PANK1: variants seen among roughly 807,000 people sequenced by gnomAD.
PANK1 encodes pantothenate kinase 1.
A neutral mutation model predicts 40.1 loss-of-function variants in PANK1; 18 were observed. The ratio of observed to expected loss-of-function variants is 0.45; its 90% CI spans 0.31 to 0.67. The LOEUF is 0.67. PANK1 is among the 30% of genes least tolerant of loss of function. The pLI is 0.06. For synonymous variants in PANK1, 242 were observed against 237.7 expected, an observed-to-expected ratio of 1.02 and a Z score of -0.17; for missense variants, 457 against 599.6, an observed-to-expected ratio of 0.76 and a Z score of 2.48.
intron 3 of PANK1, among the ~76,000 whole-genome samples, chr10:89,594,609 A>T (rs1342135702): frequency 2.0e-5 from 3 of 152,148 alleles, no homozygotes; most frequent in African/African-American, 7.2e-5. Context: ...CTGATACTGA[A>T]TTTTTTCCTA....
intron 1 of PANK1, among the ~76,000 whole-genome samples, chr10:89,639,607 G>A (rs549326482): frequency 5.1e-4 from 77 of 152,272 alleles, no homozygotes; most frequent in Middle Eastern, 3.4e-3. Flanking sequence ...TAGTAAGTAG[G>A]AAATGCGGAC....
In PANK1 at chr10:89,599,543, A is replaced by C. The variant is rs140811466; in HGVS notation, c.646-38T>G. ...ACACAACAAAATAAAACCTTGTGAG[A>C]TAGGCGACCATCTAAGGGGAAGCCC... On this transcript the variant is annotated intron_variant, in intron 2 of 6. Transcript: ENST00000307534. 5.2e-5 allele frequency: 83 copies of C among 1,586,622 alleles called. No individual in the cohort carries two copies. The African/African-American group carries it at 9.8e-4, about 19-fold the overall frequency.
rs1346955282 is a variant in PANK1 at position 89,615,197 on chromosome 10, C to T, written c.293-3149G>A. Among the ~76,000 whole-genome samples the T allele has an allele frequency of 8.5e-5, 13 of 152,176 alleles. No individual in the cohort carries two copies. The South Asian group carries it at 2.7e-3, about 32-fold the overall frequency. On this transcript the variant is annotated intron_variant, in intron 1 of 6. Transcript: ENST00000307534. ...TAATAATGGAAAATAGGAGATACTT[C>T]CGCACAACAAGACCCAAACAAGCTA...
chr10:89,590,915 AG>A (rs1255954712), intron 5 of PANK1, among the ~76,000 whole-genome samples: 1 of 152,168 alleles, frequency 6.6e-6, no homozygotes, highest in Admixed American at 6.5e-5. Context: ...AGAGAGGACC[AG>A]AGGGAGGAGG....
chr10:89,595,826 AAAAAAAAATATATAT>A (rs1318738462), intron 3 of PANK1, among the ~76,000 whole-genome samples: 25 of 77,028 alleles, frequency 3.2e-4, no homozygotes, highest in South Asian at 5.5e-4. Flanking sequence ...TAAAAAAAAA[AAAAAAAAATATATAT>A]ATATATATAT....
At chr10:89,624,284 C>T (rs750349023) in intron 1 of PANK1, among the ~76,000 whole-genome samples, 8 of 151,746 alleles carry the variant, frequency 5.3e-5, no homozygotes, top group Non-Finnish European at 1.2e-4. Context: ...TTTTAGGCAC[C>T]CATGAAAATA....
intron 1 of PANK1, among the ~76,000 whole-genome samples, chr10:89,619,870 G>A (rs560878838): frequency 2.1e-4 from 32 of 152,292 alleles, no homozygotes; most frequent in East Asian, 9.6e-4. Flanking sequence ...CTTCTGTTGC[G>A]GGAAGTCAGG....
chr10:89,595,868 ATAT>A (rs1844578714), intron 3 of PANK1, among the ~76,000 whole-genome samples: 5 of 120,662 alleles, frequency 4.1e-5, no homozygotes, highest in East Asian at 2.4e-4. Context: ...ATATATATAT[ATAT>A]ATAACTTCAT....
chr10:89,611,804 A>G lies in PANK1; in HGVS notation c.537T>C (p.Ala179=), dbSNP rs187928666. Reference sequence around the variant, plus strand: ...TGCCCATCTGAATGAACCTGTGCATAGCACAGCTGGGAAAGCGGATGAAGT... The same window carrying G: ...TGCCCATCTGAATGAACCTGTGCATGGCACAGCTGGGAAAGCGGATGAAGT... ...NLHFIRFPSC[A]MHRFIQMGSE... is the part of the protein sequence containing the mutation. Residue 179 remains alanine, a synonymous_variant, in exon 2 of 7, where the codon GCT becomes GCC. Transcript: ENST00000307534. The G allele has an allele frequency of 1.2e-5, 20 of 1,614,048 alleles. No individual in the cohort carries two copies. In the African/African-American group the frequency reaches 2.3e-4, roughly 18 times the overall value.
chr10:89,643,921 C>A, intron 1 of PANK1: 1 of 1,332,040 alleles, frequency 7.5e-7, no homozygotes, highest in East Asian at 2.7e-5. Flanking sequence ...AATTACAAAC[C>A]CTCAACTCAA....
intron 2 of PANK1, among the ~76,000 whole-genome samples, chr10:89,599,788 G>C (rs1209128120): frequency 6.6e-6 from 1 of 152,184 alleles, no homozygotes; most frequent in African/African-American, 2.4e-5. Context: ...GTCCCTGAAA[G>C]ATGGCACTAT....
At chr10:89,643,870 T>C (rs1379108367) in intron 1 of PANK1, 4 of 1,467,928 alleles carry the variant, frequency 2.7e-6, no homozygotes, top group East Asian at 4.8e-5. Flanking sequence ...AAGCTTTAGA[T>C]TGTGAAATAA....
intron 2 of PANK1, among the ~76,000 whole-genome samples, chr10:89,607,837 G>GCAGA (rs60824941): frequency 0.55 from 82,669 of 151,558 alleles, 23,404 homozygotes; most frequent in South Asian, 0.63. Context: ...ACAGAGCCTT[G>GCAGA]GTGCACAGCC....
intron 2 of PANK1, among the ~76,000 whole-genome samples, chr10:89,610,583 T>C (rs1359503364): frequency 2.0e-5 from 3 of 152,194 alleles, no homozygotes; most frequent in Non-Finnish European, 4.4e-5. Context: ...TTACTTTTGA[T>C]GGCACAAGTA....
At chr10:89,632,656 T>A (rs752653957) in intron 1 of PANK1, among the ~76,000 whole-genome samples, 3 of 152,202 alleles carry the variant, frequency 2.0e-5, no homozygotes, top group Non-Finnish European at 4.4e-5. Flanking sequence ...TGTCTACATA[T>A]CCATACACAT....
At chr10:89,603,740 C>G (rs868413948) in intron 2 of PANK1, among the ~76,000 whole-genome samples, 1 of 152,108 alleles carries the variant, frequency 6.6e-6, no homozygotes, top group Non-Finnish European at 1.5e-5. Flanking sequence ...TCAGAATCAC[C>G]TGGAGGGTTG....
intron 2 of PANK1, among the ~76,000 whole-genome samples, chr10:89,610,769 A>G (rs1845128633): frequency 6.6e-6 from 1 of 152,198 alleles, no homozygotes; most frequent in Non-Finnish European, 1.5e-5. Flanking sequence ...CTATATGTTC[A>G]ACTTTCTAGT....
intron 2 of PANK1, among the ~76,000 whole-genome samples, chr10:89,606,627 G>A (rs55849767): frequency 0.55 from 82,683 of 151,662 alleles, 23,398 homozygotes; most frequent in South Asian, 0.63. Flanking sequence ...GGGCTCAAGC[G>A]ATCCTCCCAT....
intron 6 of PANK1, among the ~76,000 whole-genome samples, chr10:89,584,909 C>G (rs548521393): frequency 2.6e-5 from 4 of 152,300 alleles, no homozygotes; most frequent in African/African-American, 9.6e-5. Flanking sequence ...CTCAGTAGCT[C>G]TTGCAAAGGC....
Sources: gnomAD v4.1 joint callset for allele counts (sites outside exome capture counted in the v4.1 genomes callset) on GRCh38, gnomAD v4.1.1 for gene constraint, MANE v1.5 for transcripts, NCBI Gene and HGNC (gene_info 2026-07-23, HGNC 2026-07-21) for gene names.